OPHN1: variants seen among roughly 807,000 people sequenced by gnomAD.
OPHN1 encodes oligophrenin 1, also known as oligophrenin-1.
Under a neutral mutation model 60.7 loss-of-function variants are expected in OPHN1, and 11 were observed. That is an observed-to-expected ratio of 0.18 (90% CI 0.11 to 0.30). The LOEUF (loss-of-function observed/expected upper bound fraction) is 0.30, where lower values mean the gene tolerates loss of function less well. Ranked by LOEUF, OPHN1 falls within the 10% of genes least tolerant of loss-of-function variation. The pLI, the probability that OPHN1 is intolerant of heterozygous loss-of-function variation, is 1.00. For missense variants in OPHN1, 449 were observed against 611.0 expected (o/e 0.73, Z 2.80); for synonymous variants, 226 against 222.6 (o/e 1.02, Z -0.14).
At chrX:68,399,849 G>C (rs1469743045) in intron 2 of OPHN1, among the ~76,000 whole-genome samples, 1 of 97,764 alleles carries the variant, frequency 1.0e-5, no homozygotes, top group African/African-American at 3.7e-5. Flanking sequence ...TTTTAAGACA[G>C]AGTTTCGCTC....
intron 6 of OPHN1, among the ~76,000 whole-genome samples, chrX:68,230,682 C>T (rs1366803289): frequency 4.9e-5 from 5 of 102,422 alleles, no homozygotes; most frequent in African/African-American, 1.8e-4. Context: ...CCAAATACTA[C>T]ATGTTTTCAC....
chrX:68,342,419 G>C (rs2078357632), intron 2 of OPHN1, among the ~76,000 whole-genome samples: 1 of 111,732 alleles, frequency 8.9e-6, no homozygotes, highest in Non-Finnish European at 1.9e-5. Context: ...AAATAGGTAG[G>C]TATACAGATA....
chrX:68,287,188 A>AGAAAG (rs763618084), intron 3 of OPHN1, among the ~76,000 whole-genome samples: 1 of 99,341 alleles, frequency 1.0e-5, no homozygotes, highest in Non-Finnish European at 2.0e-5. Context: ...AAAGAAAGAA[A>AGAAAG]AGGGAGGGAG....
At chrX:68,395,613 A>G (rs1243192211) in intron 2 of OPHN1, among the ~76,000 whole-genome samples, 8 of 109,828 alleles carry the variant, frequency 7.3e-5, no homozygotes, top group Admixed American at 5.8e-4. Flanking sequence ...ACACCTGGCT[A>G]ATTTTGTATT....
At chrX:68,395,331 C>A (rs978189253) in intron 2 of OPHN1, among the ~76,000 whole-genome samples, 1 of 110,753 alleles carries the variant, frequency 9.0e-6, no homozygotes, top group Non-Finnish European at 1.9e-5. Flanking sequence ...TACAGTGGTG[C>A]AATCTTAACT....
intron 12 of OPHN1, among the ~76,000 whole-genome samples, chrX:68,195,411 A>C (rs1047063035): frequency 8.9e-6 from 1 of 112,121 alleles, no homozygotes; most frequent in Non-Finnish European, 1.9e-5. Flanking sequence ...TATGTGAGAG[A>C]CCAGAAAGAA....
intron 18 of OPHN1, among the ~76,000 whole-genome samples, chrX:68,101,604 C>A (rs924785754): frequency 1.8e-5 from 2 of 111,920 alleles, no homozygotes; most frequent in Admixed American, 9.5e-5. Flanking sequence ...GTCAGAGGGG[C>A]TCCTGTAAGT....
At chrX:68,104,689 C>T (rs1431060204) in intron 18 of OPHN1, among the ~76,000 whole-genome samples, 5 of 112,034 alleles carry the variant, frequency 4.5e-5, no homozygotes, top group East Asian at 5.6e-4. Flanking sequence ...AAATGTAAGA[C>T]GTAAAACCAT....
chrX:68,333,908 TGGG>T (rs781481509), intron 2 of OPHN1, among the ~76,000 whole-genome samples: 2 of 92,423 alleles, frequency 2.2e-5, no homozygotes. Flanking sequence ...TTTTTTTTTT[TGGG>T]TTGGGGGAGC....
chrX:68,386,083 A>G (rs1296861971), intron 2 of OPHN1, among the ~76,000 whole-genome samples: 10 of 112,168 alleles, frequency 8.9e-5, no homozygotes, highest in African/African-American at 1.3e-4. Flanking sequence ...TGCCTTATAG[A>G]TTAGAAACAA....
intron 2 of OPHN1, among the ~76,000 whole-genome samples, chrX:68,319,605 G>A (rs899482936): frequency 4.5e-5 from 5 of 110,037 alleles, no homozygotes; most frequent in Admixed American, 2.0e-4. Flanking sequence ...GTGTGGTGGC[G>A]CTCACCTGTA....
intron 18 of OPHN1, among the ~76,000 whole-genome samples, chrX:68,106,219 A>C (rs1167477642): frequency 1.9e-5 from 2 of 106,966 alleles, no homozygotes; most frequent in Non-Finnish European, 3.8e-5. Context: ...CTTTTTAAAA[A>C]TTTTCTAATT....
chrX:68,064,568 TA>T (rs1477629068), intron 20 of OPHN1, among the ~76,000 whole-genome samples: 2 of 112,443 alleles, frequency 1.8e-5, no homozygotes, highest in Non-Finnish European at 3.8e-5. Flanking sequence ...AGTATTTTGT[TA>T]AGGTCTCTCA....
rs375616769 is a variant in OPHN1, at chrX:68,210,786, T to C, written c.703-504A>G. Among the ~76,000 whole-genome samples the C allele has an allele frequency of 3.5e-4, 39 of 112,137 alleles. No homozygotes were observed. In the South Asian group the frequency reaches 0.014, roughly 41 times the overall value. On this transcript the variant is annotated intron_variant, in intron 8 of 24. Transcript: ENST00000355520. ...GTAGCTATGTTTTCATACTCACAAA[T>C]ACCAAAACCTAATGATGAGAATAAA...
chrX:68,393,351 C>T (rs1297911345), intron 2 of OPHN1, among the ~76,000 whole-genome samples: 1 of 111,990 alleles, frequency 8.9e-6, no homozygotes, highest in Non-Finnish European at 1.9e-5. Context: ...AGTGCAGAGG[C>T]TCGATCACAG....
intron 3 of OPHN1, among the ~76,000 whole-genome samples, chrX:68,285,372 T>C (rs2078036737): frequency 8.9e-6 from 1 of 111,937 alleles, no homozygotes; most frequent in African/African-American, 3.2e-5. Context: ...CAAATTTCCT[T>C]CCAAACACTG....
chrX:68,401,676 C>T (rs1041321084), intron 2 of OPHN1, among the ~76,000 whole-genome samples: 5 of 111,460 alleles, frequency 4.5e-5, no homozygotes, highest in African/African-American at 1.3e-4. Flanking sequence ...AAATCATATT[C>T]GGTTGGGGAG....
intron 5 of OPHN1, among the ~76,000 whole-genome samples, chrX:68,271,643 A>G (rs1296827218): frequency 9.0e-6 from 1 of 111,661 alleles, no homozygotes; most frequent in African/African-American, 3.3e-5. Flanking sequence ...GCAACTCACC[A>G]GATTACAAAA....
intron 19 of OPHN1, among the ~76,000 whole-genome samples, chrX:68,078,076 TTC>T (rs1292972456): frequency 9.1e-6 from 1 of 110,012 alleles, no homozygotes; most frequent in Non-Finnish European, 1.9e-5. Flanking sequence ...TAAATCCCCC[TTC>T]TCTCTCTCTC....
Sources: gnomAD v4.1 joint callset for allele counts (sites outside exome capture counted in the v4.1 genomes callset) on GRCh38, gnomAD v4.1.1 for gene constraint, MANE v1.5 for transcripts, NCBI Gene and HGNC (gene_info 2026-07-23, HGNC 2026-07-21) for gene names.